SUGCT: variants seen among roughly 807,000 people sequenced by gnomAD.
SUGCT encodes the protein succinyl-CoA:glutarate CoA-transferase.
SUGCT carries 41 observed loss-of-function variants against 55.0 expected under a neutral mutation model. The observed-to-expected ratio is 0.74, with a 90% CI of 0.58 to 0.97. SUGCT has a LOEUF of 0.97. Among genes scored for constraint, SUGCT ranks in the 50% least tolerant of loss-of-function variants. The pLI is 0.00. For missense variants in SUGCT, 568 were observed against 547.8 expected (o/e 1.04, Z -0.37); for synonymous variants, 187 against 200.4 (o/e 0.93, Z 0.56).
intron 11 of SUGCT, among the ~76,000 whole-genome samples, chr7:40,486,724 C>CT (rs59425229): frequency 0.28 from 36,882 of 133,750 alleles, 6,238 homozygotes; most frequent in African/African-American, 0.48. Context: ...TTCTTCCTTC[C>CT]TTTTTTTTTT....
chr7:40,465,695 A>T (rs921351499), intron 11 of SUGCT, among the ~76,000 whole-genome samples: 1 of 152,100 alleles, frequency 6.6e-6, no homozygotes, highest in Non-Finnish European at 1.5e-5. Context: ...GAATAGATTT[A>T]TACAAAATAC....
intron 12 of SUGCT, among the ~76,000 whole-genome samples, chr7:40,574,327 C>A (rs1796608166): frequency 6.6e-6 from 1 of 152,196 alleles, no homozygotes; most frequent in South Asian, 2.1e-4. Flanking sequence ...ATAAAACAAA[C>A]CCCTACATAA....
At chr7:40,980,988 G>A in the SUGCT span, among the ~76,000 whole-genome samples, 7 of 152,074 alleles carry the variant, frequency 4.6e-5, no homozygotes, top group East Asian at 1.9e-4. Flanking sequence ...GTGAGTCACC[G>A]AGCCTGGCCC....
chr7:40,174,860 T>C (rs558325911), intron 1 of SUGCT, among the ~76,000 whole-genome samples: 2 of 152,360 alleles, frequency 1.3e-5, no homozygotes, highest in East Asian at 3.9e-4. Context: ...AGATTGTTAC[T>C]GATTGATATT....
downstream of SUGCT, among the ~76,000 whole-genome samples, chr7:40,864,862 A>G (rs1794552741): frequency 6.6e-6 from 1 of 152,128 alleles, no homozygotes; most frequent in Non-Finnish European, 1.5e-5. Context: ...AAAGAGCTCA[A>G]ACACTAGCCA....
At chr7:40,977,982 T>G in the SUGCT span, among the ~76,000 whole-genome samples, 1 of 152,164 alleles carries the variant, frequency 6.6e-6, no homozygotes, top group Non-Finnish European at 1.5e-5. Flanking sequence ...TGCGATTCAA[T>G]TTTTTCCTGT....
chr7:40,272,303 A>G (rs1792118144), intron 7 of SUGCT, among the ~76,000 whole-genome samples: 1 of 149,004 alleles, frequency 6.7e-6, no homozygotes, highest in Non-Finnish European at 1.5e-5. Context: ...CAGACTCCCA[A>G]GTAGCTGGTA....
At chr7:40,362,536 G>A (rs1009250888) in intron 9 of SUGCT, among the ~76,000 whole-genome samples, 2 of 152,156 alleles carry the variant, frequency 1.3e-5, no homozygotes, top group Non-Finnish European at 1.5e-5. Flanking sequence ...GAGTCTGCAT[G>A]CTAGAGAAGG....
chr7:40,135,999 AT>A (rs34395438), intron 1 of SUGCT, among the ~76,000 whole-genome samples: 975 of 112,776 alleles, frequency 8.6e-3, no homozygotes, highest in Middle Eastern at 0.023. Flanking sequence ...AGGATGCAGG[AT>A]TTTTTTTTTT....
At chr7:40,609,176 G>C (rs1204132125) in intron 12 of SUGCT, among the ~76,000 whole-genome samples, 1 of 152,096 alleles carries the variant, frequency 6.6e-6, no homozygotes. Flanking sequence ...CAATGATAAT[G>C]GTAGAGTGTA....
chr7:40,926,004 G>A, the SUGCT span, among the ~76,000 whole-genome samples: 3 of 152,004 alleles, frequency 2.0e-5, no homozygotes, highest in Admixed American at 6.6e-5. Flanking sequence ...CAAGGTGGGA[G>A]GATTGCTTGA....
chr7:40,188,034 G>A lies in SUGCT; in HGVS notation c.227-461G>A, dbSNP rs186692785. Among the ~76,000 whole-genome samples, 690 of 152,128 alleles carry A rather than the reference G, an allele frequency of 4.5e-3. 9 individuals carry two copies. The highest frequency in any genetic ancestry group is 0.016 in the African/African-American group (652 of 41,496). On this transcript the variant is annotated intron_variant, in intron 3 of 13. Transcript: ENST00000335693. Reference sequence around the variant, plus strand: ...ACAAAAATTAGCCGGGCATGTTGGCGGGTACCTGTAATCCCAGCTAGTTTT... The same window carrying A: ...ACAAAAATTAGCCGGGCATGTTGGCAGGTACCTGTAATCCCAGCTAGTTTT...
At chr7:40,465,817 ACTAT>A (rs1339166134) in intron 11 of SUGCT, among the ~76,000 whole-genome samples, 1 of 152,144 alleles carries the variant, frequency 6.6e-6, no homozygotes, top group Non-Finnish European at 1.5e-5. Context: ...CTATTAAGCC[ACTAT>A]GACCATTTCA....
chr7:40,741,709 T>C (rs1375025696), intron 12 of SUGCT, among the ~76,000 whole-genome samples: 1 of 152,226 alleles, frequency 6.6e-6, no homozygotes, highest in Non-Finnish European at 1.5e-5. Flanking sequence ...GTCAGTTAAA[T>C]TATGGAGTAT....
chr7:40,987,161 C>G, the SUGCT span, among the ~76,000 whole-genome samples: 2 of 152,082 alleles, frequency 1.3e-5, no homozygotes, highest in South Asian at 4.1e-4. Flanking sequence ...AGGACCACAA[C>G]AGGGTAAAAA....
At chr7:40,857,711 T>C (rs930974506) in intron 13 of SUGCT, among the ~76,000 whole-genome samples, 1 of 152,062 alleles carries the variant, frequency 6.6e-6, no homozygotes, top group Non-Finnish European at 1.5e-5. Context: ...CTCAAAAATA[T>C]TATGTTAAGT....
chr7:40,249,341 A>ATATATATATATATATATATATATG (rs1192387768), intron 7 of SUGCT, among the ~76,000 whole-genome samples: 3 of 131,598 alleles, frequency 2.3e-5, no homozygotes, highest in Admixed American at 8.1e-5. Context: ...ATATATATAT[A>ATATATATATATATATATATATATG]TATATAATTA....
intron 12 of SUGCT, among the ~76,000 whole-genome samples, chr7:40,683,303 G>C (rs1784331866): frequency 6.6e-6 from 1 of 152,132 alleles, no homozygotes; most frequent in Non-Finnish European, 1.5e-5. Context: ...GTGTAGCCCT[G>C]AAACTTCTGC....
chr7:40,253,116 TAG>T (rs1790554293), intron 7 of SUGCT, among the ~76,000 whole-genome samples: 1 of 152,234 alleles, frequency 6.6e-6, no homozygotes, highest in Non-Finnish European at 1.5e-5. Context: ...TATGCAAATT[TAG>T]ATAAGCTGTT....
Sources: allele counts gnomAD v4.1 joint callset (sites outside exome capture counted in the v4.1 genomes callset), GRCh38; gene constraint gnomAD v4.1.1; transcripts MANE v1.5; gene names NCBI Gene and HGNC (gene_info 2026-07-23, HGNC 2026-07-21).